UBAC2: variants seen among roughly 807,000 people sequenced by gnomAD.
UBAC2 encodes the protein UBA domain containing 2, also known as ubiquitin-associated domain-containing protein 2.
UBAC2 carries 26 observed loss-of-function variants against 44.0 expected under a neutral mutation model. The observed-to-expected ratio is 0.59, with a 90% CI of 0.43 to 0.82. The LOEUF is 0.82. Ranked by LOEUF, UBAC2 falls within the 40% of genes least tolerant of loss-of-function variation. UBAC2 has a pLI of 0.00. For synonymous variants in UBAC2, 155 were observed against 154.3 expected (o/e 1.00, Z -0.04); for missense variants, 329 against 419.4 (o/e 0.78, Z 1.88).
chr13:99,314,256 C>T (rs765465237), intron 5 of UBAC2, 36 bp downstream of exon 5: 21 of 1,493,776 alleles, frequency 1.4e-5, no homozygotes, highest in Non-Finnish European at 1.3e-5. Context: ...TTTTCTTTAA[C>T]CAGATCTTTT....
At chr13:99,373,950 C>G (rs919391901) in intron 8 of UBAC2, among the ~76,000 whole-genome samples, 54 of 152,206 alleles carry the variant, frequency 3.5e-4, no homozygotes, top group Admixed American at 2.8e-3. Context: ...GCCCAGGAAA[C>G]ATGGTGCAAC....
intron 4 of UBAC2, chr13:99,255,070 C>T (rs775154268): frequency 8.1e-6 from 13 of 1,614,024 alleles, no homozygotes; most frequent in East Asian, 2.2e-5. Flanking sequence ...GGTAAAGGCT[C>T]CCCAGGGATT....
chr13:99,201,824 C>T (rs1434669970), intron 1 of UBAC2, among the ~76,000 whole-genome samples: 1 of 152,142 alleles, frequency 6.6e-6, no homozygotes, highest in African/African-American at 2.4e-5. Context: ...GTAATCCCAG[C>T]ACTTTGGGAG....
intron 4 of UBAC2, among the ~76,000 whole-genome samples, chr13:99,272,766 A>G (rs1279592592): frequency 6.6e-6 from 1 of 151,994 alleles, no homozygotes; most frequent in African/African-American, 2.4e-5. Flanking sequence ...CAAAGGTCCT[A>G]CCTCCAAATA....
chr13:99,325,696 C>T (rs958233063), intron 6 of UBAC2, among the ~76,000 whole-genome samples: 4 of 152,094 alleles, frequency 2.6e-5, no homozygotes, highest in African/African-American at 9.7e-5. Context: ...TCTCCTTTTC[C>T]CTCTGCCCCC....
At chr13:99,244,110 A>C (rs1028647228) in intron 3 of UBAC2, among the ~76,000 whole-genome samples, 159 bp downstream of exon 3, 2 of 152,220 alleles carry the variant, frequency 1.3e-5, no homozygotes, top group African/African-American at 4.8e-5. Flanking sequence ...TAACCAAAGA[A>C]AATTTTAAAA....
At chr13:99,254,759 A>G (rs754481541) in intron 4 of UBAC2, 92 of 742,812 alleles carry the variant, frequency 1.2e-4, no homozygotes, top group Admixed American at 6.2e-4. Context: ...AAATGAAGAT[A>G]ATGAATTTAT....
At chr13:99,247,873 C>CTCT (rs1555322990) in intron 4 of UBAC2, among the ~76,000 whole-genome samples, 1 of 148,730 alleles carries the variant, frequency 6.7e-6, no homozygotes, top group Non-Finnish European at 1.5e-5. Context: ...CTCTCTCTCT[C>CTCT]TTTTTTTTTT....
At chr13:99,361,458 C>T (rs1384068261) in intron 7 of UBAC2, among the ~76,000 whole-genome samples, 1 of 152,144 alleles carries the variant, frequency 6.6e-6, no homozygotes, top group Admixed American at 6.5e-5. Context: ...TTTGCTTTGC[C>T]TACTCTTTGA....
At chr13:99,230,433 C>G (rs2043159472) in intron 1 of UBAC2, among the ~76,000 whole-genome samples, 1 of 151,886 alleles carries the variant, frequency 6.6e-6, no homozygotes, top group Non-Finnish European at 1.5e-5. Flanking sequence ...CACGCCACTG[C>G]ACTCCAGCCT....
intron 7 of UBAC2, among the ~76,000 whole-genome samples, chr13:99,348,245 C>T (rs1039918442): frequency 5.3e-5 from 8 of 152,278 alleles, no homozygotes; most frequent in East Asian, 1.9e-4. Flanking sequence ...AATAAGACGC[C>T]GCCTGCGCCT....
chr13:99,207,961 A>G (rs917509918), intron 1 of UBAC2, among the ~76,000 whole-genome samples: 14 of 151,134 alleles, frequency 9.3e-5, no homozygotes, highest in African/African-American at 3.2e-4. Context: ...GAGATGATGC[A>G]AATAAATCTT....
chr13:99,335,778 A>G (rs770133991), intron 6 of UBAC2, among the ~76,000 whole-genome samples: 1 of 152,168 alleles, frequency 6.6e-6, no homozygotes, highest in African/African-American at 2.4e-5. Context: ...CAGTGGAATG[A>G]GCCTCAAAGC....
chr13:99,355,656 GTCCCTGGAGGAAAAGTT>G (rs1433008331), intron 7 of UBAC2, among the ~76,000 whole-genome samples: 1 of 152,252 alleles, frequency 6.6e-6, no homozygotes, highest in African/African-American at 2.4e-5. Flanking sequence ...GGTCCTGACG[GTCCCTGGAGGAAAAGTT>G]CCCCATGAGG....
At chr13:99,379,036 A>C (rs887642737) in intron 8 of UBAC2, among the ~76,000 whole-genome samples, 1 of 152,256 alleles carries the variant, frequency 6.6e-6, no homozygotes, top group African/African-American at 2.4e-5. Flanking sequence ...GCTTCCCTGC[A>C]GTGAGCACAA....
At chr13:99,220,846 C>G (rs949922893) in intron 1 of UBAC2, among the ~76,000 whole-genome samples, 3 of 151,972 alleles carry the variant, frequency 2.0e-5, no homozygotes, top group Admixed American at 2.0e-4. Flanking sequence ...TAACTAGTTA[C>G]AAATTATTTT....
intron 4 of UBAC2, among the ~76,000 whole-genome samples, chr13:99,310,916 T>C (rs1427505356): frequency 6.6e-6 from 1 of 152,240 alleles, no homozygotes; most frequent in Admixed American, 6.5e-5. Flanking sequence ...TCTGGTGCGA[T>C]TGGCTCCCCA....
At chr13:99,315,485 G>T (rs555078963) in intron 5 of UBAC2, among the ~76,000 whole-genome samples, 1 of 152,314 alleles carries the variant, frequency 6.6e-6, no homozygotes, top group South Asian at 2.1e-4. Flanking sequence ...CTTTGAGAAT[G>T]AAAACACTGT....
chr13:99,375,233 C>T (rs1429535254), intron 8 of UBAC2, among the ~76,000 whole-genome samples: 1 of 151,718 alleles, frequency 6.6e-6, no homozygotes, highest in Non-Finnish European at 1.5e-5. Context: ...AGAACGCTGG[C>T]AGGGTCTGTA....
Sources: allele counts gnomAD v4.1 joint callset (sites outside exome capture counted in the v4.1 genomes callset), GRCh38; gene constraint gnomAD v4.1.1; transcripts MANE v1.5; gene names NCBI Gene and HGNC (gene_info 2026-07-23, HGNC 2026-07-21).